Variants in TRIM28 observed in about 807,000 individuals in gnomAD.
TRIM28 encodes the protein tripartite motif containing 28, also known as transcription intermediary factor 1-beta.
TRIM28 carries 8 observed loss-of-function variants against 87.4 expected under a neutral mutation model. The ratio of observed to expected loss-of-function variants is 0.09; its 90% CI spans 0.05 to 0.17. TRIM28 has a LOEUF of 0.17. Among genes scored for constraint, TRIM28 ranks in the 10% least tolerant of loss-of-function variants. TRIM28 has a pLI of 1.00. For synonymous variants in TRIM28, 601 were observed against 454.3 expected (o/e 1.32, Z -4.11); for missense variants, 968 against 1,131.8 (o/e 0.86, Z 2.08).
chr19:58,545,128 C>T (rs1281923109), intron 1 of TRIM28, 31 bp downstream of exon 1: 6 of 1,388,390 alleles, frequency 4.3e-6, no homozygotes, highest in African/African-American at 3.0e-5. Flanking sequence ...GCCACCCCTC[C>T]CCCTACTCTC....
intron 3 of TRIM28, among the ~76,000 whole-genome samples, chr19:58,546,194 A>G (rs1371999311): frequency 6.6e-6 from 1 of 152,180 alleles, no homozygotes; most frequent in Non-Finnish European, 1.5e-5. Context: ...TGAAGGGCTC[A>G]GCATATGCAA....
chr19:58,545,390 C>CTTG, intron 1 of TRIM28, 35 bp from the exon 2 acceptor site: 1 of 1,543,378 alleles, frequency 6.5e-7, no homozygotes, highest in Non-Finnish European at 8.9e-7. Context: ...TGGGTGGGAA[C>CTTG]TTGTAACAGT....
At chr19:58,546,757 C>G (rs1038609576) in intron 3 of TRIM28, among the ~76,000 whole-genome samples, 4 of 152,090 alleles carry the variant, frequency 2.6e-5, no homozygotes, top group African/African-American at 9.7e-5. Flanking sequence ...GGGAGACAGG[C>G]TTTGGAGGTT....
rs146551435 is a variant in TRIM28 at position 58,549,782 on chromosome 19, G to A, written c.2028G>A (p.Lys676=). Residue 676 remains lysine (K), a synonymous_variant, in exon 14 of 17, where the codon AAG becomes AAA. Coordinates refer to ENST00000253024, the MANE Select transcript of TRIM28 (RefSeq NM_005762.3). This position sits in a 1 kb window ranked among gnomAD's most constrained non-coding sequence, Gnocchi z 4.4. The part of the protein sequence containing the change: ...CSLCHVLPDL[K]EEDGSLSLDG... Reference sequence around the variant, plus strand: ...TCTGCCATGTGCTCCCTGACCTGAAGGAGGAGGATGGCAGCCTCAGCCTGG... The same window carrying A: ...TCTGCCATGTGCTCCCTGACCTGAAAGAGGAGGATGGCAGCCTCAGCCTGG... 1.3e-4 allele frequency: 203 copies of A among 1,612,494 alleles called. 1 individual carries two copies. Among genetic ancestry groups the A allele is most frequent in the Non-Finnish European group, 1.6e-4 (186 of 1,178,884 alleles).
intron 3 of TRIM28, among the ~76,000 whole-genome samples, chr19:58,546,874 C>T (rs920171396): frequency 7.9e-5 from 12 of 152,100 alleles, no homozygotes; most frequent in Non-Finnish European, 1.5e-5. Flanking sequence ...TCATCTCTCC[C>T]AGTATGAGAA....
chr19:58,548,045 G>A lies in TRIM28; in HGVS notation c.966G>A (p.Glu322=), dbSNP rs774537199. Residue 322 remains glutamate (E), a synonymous_variant, in exon 7 of 17, where the codon GAG becomes GAA. Transcript: ENST00000253024. ...VLVNDAQKVT[E]GQQERLERQH... is the part of the protein sequence containing the mutation. ...CCTTCTATCTGCAGAAGGTGACTGA[G>A]GGGCAGCAGGAGCGCCTGGAGCGGC... 2 of 1,614,082 alleles carry A rather than the reference G, an allele frequency of 1.2e-6. No individual in the cohort carries two copies. The highest frequency in any genetic ancestry group is 8.5e-7 in the Non-Finnish European group (1 of 1,180,042).
rs1206126508 is a variant in TRIM28, at chr19:58,544,816, C to T, written c.59C>T (p.Pro20Leu). 3.2e-6 allele frequency: 4 copies of T among 1,248,066 alleles called. No individual in the cohort carries two copies. The highest frequency in any genetic ancestry group is 4.0e-6 in the Non-Finnish European group (4 of 995,674). 77.3% of individuals were successfully genotyped at this position (1,248,066 alleles called of 1,614,324 possible). A position where few individuals can be genotyped will look rare whatever the true frequency, so the allele number is the denominator to read the frequency against. ...AAAASAASGS[P>L]GPGEGSAGGE... ...GCGGCCTCGGCCGCCTCTGGCAGCC[C>T]GGGCCCGGGCGAGGGCTCCGCTGGC... Residue 20 changes from proline (P) to leucine (L), a missense_variant, in exon 1 of 17, where the codon CCG (proline) becomes CTG (leucine). Pro to Leu is a moderately conservative substitution (Grantham distance 98). Transcript: ENST00000253024.
chr19:58,545,915 G>A lies in TRIM28; in HGVS notation c.586+19G>A. The A allele has an allele frequency of 6.4e-7, 1 of 1,573,788 alleles. No homozygotes were observed. Among genetic ancestry groups the A allele is most frequent in the Non-Finnish European group, 8.7e-7 (1 of 1,151,934 alleles). ...TCTACTGGTACATGAGGCTGAGGGG[G>A]GCTGTTGGAGTTGTTCTCCCATGTG... On this transcript the variant is annotated intron_variant, in intron 3 of 16. Coordinates refer to ENST00000253024, the MANE Select transcript of TRIM28 (RefSeq NM_005762.3).
rs2053741003 is a variant in TRIM28, at chr19:58,544,498, T to C, written c.-260T>C. 1 of 152,586 alleles carries C rather than the reference T, an allele frequency of 6.6e-6. No homozygotes were observed. Among genetic ancestry groups the C allele is most frequent in the Admixed American group, 6.6e-5 (1 of 15,250 alleles). The allele number at this position is 152,586 out of a possible 1,614,324, so 9.5% of individuals were successfully genotyped here. ...CGCGGGCGAGCGGTTGTGCTTGTGC[T>C]TGTGGCGCGTGGTGCGGGTTTCGGC... On this transcript the variant is annotated 5_prime_UTR_variant, in exon 1 of 17. Coordinates refer to ENST00000253024, the MANE Select transcript of TRIM28 (RefSeq NM_005762.3).
intron 7 of TRIM28, 54 bp downstream of exon 7, chr19:58,548,234 C>T (rs1271014650): frequency 3.1e-6 from 5 of 1,613,496 alleles, no homozygotes; most frequent in African/African-American, 2.7e-5. Flanking sequence ...GTTCCCAATA[C>T]CTCAAATCCC....
chr19:58,550,525 T>C lies in TRIM28; in HGVS notation c.2480T>C (p.Leu827Pro), dbSNP rs745573457. 1 of 1,610,624 alleles carries C rather than the reference T, an allele frequency of 6.2e-7. No homozygotes were observed. The highest frequency in any genetic ancestry group is 8.5e-7 in the Non-Finnish European group (1 of 1,179,852). ...GGTGCTGGCCTGAGTTCCCAGGAGCTGTCTGGTGGCCCTGGTGATGGCCCC... is the reference window on the plus strand; with the variant it reads ...GGTGCTGGCCTGAGTTCCCAGGAGCCGTCTGGTGGCCCTGGTGATGGCCCC... ...LPGAGLSSQE[L>P]SGGPGDGP The change falls in exon 17 of 17, where the codon CTG becomes CCG. Residue 827 changes from leucine to proline, a missense_variant. This residue lies in a region of TRIM28 where 192 missense variants were observed against 225.6 expected (regional missense o/e 0.85). Transcript: ENST00000253024.
Position 58,549,737 on chromosome 19 carries a change from G to C in TRIM28, c.1983G>C (p.Gly661=), listed in dbSNP as rs1197735388. The C allele has an allele frequency of 6.2e-7, 1 of 1,607,340 alleles. No individual in the cohort carries two copies. The highest frequency in any genetic ancestry group is 2.2e-5 in the East Asian group (1 of 44,752). Residue 661 remains glycine, a splice_region_variant and synonymous_variant, in exon 14 of 17, where the codon GGG becomes GGC. Coordinates refer to ENST00000253024, the MANE Select transcript of TRIM28 (RefSeq NM_005762.3). This position sits in a 1 kb window ranked among gnomAD's most constrained non-coding sequence, Gnocchi z 4.4. ...CHLPALQDVP[G]EEWSCSLCHV... ...CAGACCCTTATTTTCTTCACCCTAG[G>C]GAGGAGTGGAGCTGCTCACTCTGCC...
rs1309151429 is a variant in TRIM28, at chr19:58,549,280, C to T, written c.1662+40C>T. 4 of 1,597,746 alleles carry T rather than the reference C, an allele frequency of 2.5e-6. No individual in the cohort carries two copies. In the Admixed American group the frequency reaches 6.8e-5, roughly 27 times the overall value. On this transcript the variant is annotated intron_variant, in intron 12 of 16. Coordinates refer to ENST00000253024, the MANE Select transcript of TRIM28 (RefSeq NM_005762.3). This position sits in a 1 kb window ranked among gnomAD's most constrained non-coding sequence, Gnocchi z 4.4. ...AGGAACTATAGCTGTAGGATGAAGC[C>T]TGTAGTCCAGGTCTGGACCCTGTTG...
Position 58,548,274 on chromosome 19 carries a change from TC to T in TRIM28, c.1102-17del. The T allele has an allele frequency of 1.2e-6, 2 of 1,613,962 alleles. No homozygotes were observed. Among genetic ancestry groups the T allele is most frequent in the Non-Finnish European group, 1.7e-6 (2 of 1,179,924 alleles). On this transcript the variant is annotated intron_variant, in intron 7 of 16. Coordinates refer to ENST00000253024, the MANE Select transcript of TRIM28 (RefSeq NM_005762.3). ...TGTTGTTGGTGTGCTCATTCTTTCCTCCCTTTCACTCCCAACCAGATCTACT... is the reference window on the plus strand; with the variant it reads ...TGTTGTTGGTGTGCTCATTCTTTCCTCCTTTCACTCCCAACCAGATCTACT...
chr19:58,548,242 C>T, intron 7 of TRIM28, 52 bp from the exon 8 acceptor site: 4 of 1,613,664 alleles, frequency 2.5e-6, no homozygotes, highest in Non-Finnish European at 3.4e-6. Context: ...TACCTCAAAT[C>T]CCTATTTGTT....
At position 58,549,286 on chromosome 19, in the gene TRIM28, T is replaced by G. The variant is rs1315211336; in HGVS notation, c.1663-45T>G. The G allele has an allele frequency of 6.3e-7, 1 of 1,593,736 alleles. No homozygotes were observed. Among genetic ancestry groups the G allele is most frequent in the Non-Finnish European group, 8.6e-7 (1 of 1,167,652 alleles). On this transcript the variant is annotated intron_variant, in intron 12 of 16. Coordinates refer to ENST00000253024, the MANE Select transcript of TRIM28 (RefSeq NM_005762.3). This position sits in a 1 kb window ranked among gnomAD's most constrained non-coding sequence, Gnocchi z 4.4. ...TATAGCTGTAGGATGAAGCCTGTAG[T>G]CCAGGTCTGGACCCTGTTGAACACC...
Position 58,548,408 on chromosome 19 carries a change from G to T in TRIM28, c.1216G>T (p.Gly406Cys). Residue 406 changes from glycine to cysteine, a missense_variant and splice_region_variant, in exon 8 of 17, where the codon GGC (glycine) becomes TGC (cysteine). Gly to Cys is a radical substitution (Grantham distance 159). Coordinates refer to ENST00000253024, the MANE Select transcript of TRIM28 (RefSeq NM_005762.3). ...NAWTKSAEAF[G>C]KIVAERPGTN... Reference sequence around the variant, plus strand: ...CTGGACCAAGAGTGCCGAGGCCTTTGGTGGGTCCCCAGCTTTACCTCACTC... The same window carrying T: ...CTGGACCAAGAGTGCCGAGGCCTTTTGTGGGTCCCCAGCTTTACCTCACTC... 6.2e-7 allele frequency: 1 copy of T among 1,614,130 alleles called. No individual in the cohort carries two copies. Among genetic ancestry groups the T allele is most frequent in the African/African-American group, 1.3e-5 (1 of 75,048 alleles).
chr19:58,546,013 C>A, intron 3 of TRIM28, 117 bp downstream of exon 3: 1 of 1,296,038 alleles, frequency 7.7e-7, no homozygotes, highest in South Asian at 1.8e-5. Context: ...GGGTGCCGCC[C>A]GAAGGGCCCG....
In TRIM28 at chr19:58,547,410, C is replaced by T. The variant is rs760478176; in HGVS notation, c.621C>T (p.Val207=). ...AGTCTCGGGATGGTGAACGTACTGT[C>T]TATTGCAACGTACACAAGCATGAAC... The part of the protein sequence containing the change: ...PAKSRDGERT[V]YCNVHKHEPL... Residue 207 remains valine (V), a synonymous_variant, in exon 4 of 17, where the codon GTC becomes GTT. Coordinates refer to ENST00000253024, the MANE Select transcript of TRIM28 (RefSeq NM_005762.3). 3.1e-6 allele frequency: 5 copies of T among 1,613,958 alleles called. No homozygotes were observed. The highest frequency in any genetic ancestry group is 2.7e-5 in the African/African-American group (2 of 74,912).
Sources: gnomAD v4.1 joint callset for allele counts (sites outside exome capture counted in the v4.1 genomes callset) on GRCh38, gnomAD v4.1.1 for gene constraint, gnomAD v4.1.1 regional missense constraint, Gnocchi (gnomAD v3.1) non-coding constraint, MANE v1.5 for transcripts, NCBI Gene and HGNC (gene_info 2026-07-23, HGNC 2026-07-21) for gene names.